TCF4: variants seen among roughly 807,000 people sequenced by gnomAD.
TCF4 encodes SL3-3 enhancer factor 2.
In TCF4, 3 loss-of-function variants were observed where a neutral mutation model predicts 82.1. The ratio of observed to expected loss-of-function variants is 0.04; its 90% CI spans 0.02 to 0.09. The LOEUF (loss-of-function observed/expected upper bound fraction) is 0.09. TCF4 is among the 10% of genes least tolerant of loss of function. TCF4 has a pLI of 1.00. For missense variants in TCF4, 518 were observed against 852.7 expected, an observed-to-expected ratio of 0.61 and a Z score of 4.89; for synonymous variants, 276 against 309.6, an observed-to-expected ratio of 0.89 and a Z score of 1.14.
intron 3 of TCF4, among the ~76,000 whole-genome samples, chr18:55,562,356 A>G (rs1478644174): frequency 6.6e-6 from 1 of 152,252 alleles, no homozygotes; most frequent in Non-Finnish European, 1.5e-5. Flanking sequence ...CTAAGAGGTA[A>G]AATGGTAACA....
At chr18:55,577,664 A>G (rs1485251857) in intron 3 of TCF4, among the ~76,000 whole-genome samples, 1 of 152,080 alleles carries the variant, frequency 6.6e-6, no homozygotes, top group Non-Finnish European at 1.5e-5. Flanking sequence ...AAGTCTTCAC[A>G]TGGGAAATTT....
At chr18:55,312,954 A>G (rs2073020055) in intron 8 of TCF4, among the ~76,000 whole-genome samples, 1 of 152,194 alleles carries the variant, frequency 6.6e-6, no homozygotes, top group Non-Finnish European at 1.5e-5. Flanking sequence ...TGAGTTGAAA[A>G]TAACCAATTT....
chr18:55,530,741 C>T (rs184612519), intron 3 of TCF4, among the ~76,000 whole-genome samples: 1 of 152,004 alleles, frequency 6.6e-6, no homozygotes, highest in East Asian at 1.9e-4. Context: ...ACATGAAAAA[C>T]AGTGTTCAAA....
intron 1 of TCF4, 59 bp from the exon 2 acceptor site, chr18:55,587,195 C>T: frequency 6.5e-6 from 5 of 769,520 alleles, no homozygotes; most frequent in Non-Finnish European, 8.5e-6. Flanking sequence ...GGAGAAAACA[C>T]AATCGGATTT....
intron 5 of TCF4, among the ~76,000 whole-genome samples, chr18:55,442,562 A>C (rs2095457515): frequency 6.6e-6 from 1 of 152,226 alleles, no homozygotes. Flanking sequence ...TCTGAGACAT[A>C]GCATTGGCAA....
intron 5 of TCF4, among the ~76,000 whole-genome samples, chr18:55,427,548 C>A (rs1370666850): frequency 1.3e-5 from 2 of 152,132 alleles, no homozygotes; most frequent in East Asian, 3.8e-4. Flanking sequence ...ACTGAGAACC[C>A]TGGCAAGTTA....
rs531962122 is a variant in TCF4 at position 55,281,051 on chromosome 18, A to G, written c.550-1395T>C. Among the ~76,000 whole-genome samples the G allele has an allele frequency of 7.1e-4, 108 of 152,186 alleles. No individual in the cohort carries two copies. In the South Asian group the frequency reaches 7.9e-3, roughly 11 times the overall value. ...CCCACTCGCACTTCAGAAAACAGGGATTTTTCTTAAGGCACTAATGGATAC... is the reference window on the plus strand; with the variant it reads ...CCCACTCGCACTTCAGAAAACAGGGGTTTTTCTTAAGGCACTAATGGATAC... On this transcript the variant is annotated intron_variant, in intron 8 of 19. Coordinates refer to ENST00000354452, the MANE Select transcript of TCF4 (RefSeq NM_001083962.2).
chr18:55,508,602 G>C (rs2096790206), intron 3 of TCF4, among the ~76,000 whole-genome samples: 1 of 152,156 alleles, frequency 6.6e-6, no homozygotes, highest in African/African-American at 2.4e-5. Flanking sequence ...ATTTTACAGA[G>C]AAATTAAATA....
upstream of TCF4, among the ~76,000 whole-genome samples, chr18:55,590,472 G>A (rs1055001478): frequency 6.6e-6 from 1 of 152,192 alleles, no homozygotes; most frequent in Non-Finnish European, 1.5e-5. Flanking sequence ...CATAAGCCAC[G>A]ACTGACTCAA....
intron 3 of TCF4, among the ~76,000 whole-genome samples, chr18:55,468,352 C>T (rs775516036): frequency 7.2e-5 from 11 of 152,116 alleles, no homozygotes; most frequent in African/African-American, 2.4e-4. Flanking sequence ...TGACAATAAC[C>T]ATCAGATAAA....
intron 6 of TCF4, among the ~76,000 whole-genome samples, chr18:55,378,602 T>C (rs2091312245): frequency 6.6e-6 from 1 of 152,340 alleles, no homozygotes; most frequent in African/African-American, 2.4e-5. Context: ...AGAAGTCTGA[T>C]TGAAAGGCTA....
At chr18:55,405,160 C>T (rs2094022434) in intron 5 of TCF4, among the ~76,000 whole-genome samples, 1 of 152,220 alleles carries the variant, frequency 6.6e-6, no homozygotes, top group South Asian at 2.1e-4. Context: ...CAAATTTAAG[C>T]TACTTATACC....
intron 15 of TCF4, among the ~76,000 whole-genome samples, chr18:55,236,583 TTATA>T: frequency 6.6e-6 from 1 of 152,224 alleles, no homozygotes; most frequent in African/African-American, 2.4e-5. Flanking sequence ...ACTCACTCTC[TTATA>T]TATTTTAATT....
rs1040096406 is a variant in TCF4 at position 55,481,485 on chromosome 18, G to C, written c.146-17348C>G. Among the ~76,000 whole-genome samples, 3 of 152,202 alleles carry C rather than the reference G, an allele frequency of 2.0e-5. No homozygotes were observed. In the East Asian group the frequency reaches 5.8e-4, roughly 29 times the overall value. ...AAAATCAGGCCTCACAATGGTAACT[G>C]ATTGGCAAGAAATCCTGTTGTCTGT... On this transcript the variant is annotated intron_variant, in intron 3 of 19. Transcript: ENST00000354452.
intron 8 of TCF4, among the ~76,000 whole-genome samples, chr18:55,324,309 T>C (rs1431277322): frequency 1.3e-5 from 2 of 152,136 alleles, no homozygotes; most frequent in Non-Finnish European, 2.9e-5. Flanking sequence ...TATCATCCAG[T>C]GATGTTTGGT....
At chr18:55,393,345 T>C (rs560324115) in intron 6 of TCF4, among the ~76,000 whole-genome samples, 20 of 152,290 alleles carry the variant, frequency 1.3e-4, no homozygotes, top group African/African-American at 3.1e-4. Context: ...GCCTGGGTGA[T>C]AGAGTGAGAT....
chr18:55,555,240 T>G (rs779724802), intron 3 of TCF4, among the ~76,000 whole-genome samples: 11 of 152,128 alleles, frequency 7.2e-5, no homozygotes, highest in Non-Finnish European at 1.3e-4. Context: ...CCTGTAAAAA[T>G]GTGAAAATCT....
intron 17 of TCF4, chr18:55,229,705 C>T (rs2047329663): frequency 6.5e-6 from 1 of 153,450 alleles, no homozygotes; most frequent in Non-Finnish European, 1.5e-5. Flanking sequence ...CTGGTCAACC[C>T]ACTATGTGAG....
chr18:55,388,230 T>C (rs975613645), intron 6 of TCF4, among the ~76,000 whole-genome samples: 6 of 152,216 alleles, frequency 3.9e-5, no homozygotes, highest in Non-Finnish European at 8.8e-5. Context: ...GTTCTCCCCA[T>C]CCTCTGCCAA....
Sources: gnomAD v4.1 joint callset for allele counts (sites outside exome capture counted in the v4.1 genomes callset) on GRCh38, gnomAD v4.1.1 for gene constraint, MANE v1.5 for transcripts, NCBI Gene and HGNC (gene_info 2026-07-23, HGNC 2026-07-21) for gene names.